The following MYH9 variants were observed in gnomAD, a reference collection of about 807,000 sequenced individuals.
The protein encoded by MYH9 is myosin heavy chain 9.
MYH9 carries 29 observed loss-of-function variants against 241.9 expected under a neutral mutation model. The ratio of observed to expected loss-of-function variants is 0.12; its 90% CI spans 0.09 to 0.16. The LOEUF is 0.16. MYH9 is among the 10% of genes least tolerant of loss of function. MYH9 has a pLI of 1.00. For synonymous variants in MYH9, 1,047 were observed against 1,062.6 expected (o/e 0.99, Z 0.29); for missense variants, 1,803 against 2,595.5 (o/e 0.69, Z 6.63).
At chr22:36,332,103 G>A (rs551261422) in intron 3 of MYH9, among the ~76,000 whole-genome samples, 24 of 152,156 alleles carry the variant, frequency 1.6e-4, no homozygotes, top group Non-Finnish European at 2.8e-4. Context: ...GAAACCTCAC[G>A]CACCCCAGGA....
intron 11 of MYH9, 61 bp from the exon 12 acceptor site, chr22:36,316,730 C>T (rs907181888): frequency 1.3e-6 from 2 of 1,599,328 alleles, no homozygotes; most frequent in African/African-American, 1.3e-5. Context: ...CCCTCATACC[C>T]TATGCCCCAG....
Position 36,289,580 on chromosome 22 carries a change from C to T in MYH9, c.4345-283G>A, listed in dbSNP as rs141639537. Among the ~76,000 whole-genome samples the T allele has an allele frequency of 1.1e-4, 17 of 152,350 alleles. No individual in the cohort carries two copies. The South Asian group carries it at 2.1e-3, about 19-fold the overall frequency. ...AATCGCAACCCTTTATGGCACGCTG[C>T]CCCTTCCATGAGAGCCCTCCAAACC... On this transcript the variant is annotated intron_variant, in intron 31 of 40. Transcript: ENST00000216181.
intron 27 of MYH9, 92 bp downstream of exon 27, chr22:36,294,840 C>T: frequency 6.4e-7 from 1 of 1,565,872 alleles, no homozygotes; most frequent in Non-Finnish European, 8.7e-7. Flanking sequence ...TTGGGTAGAA[C>T]CCTGCAACTG....
At chr22:36,324,853 A>AC (rs1320588370) in intron 5 of MYH9, among the ~76,000 whole-genome samples, 1 of 152,046 alleles carries the variant, frequency 6.6e-6, no homozygotes, top group Non-Finnish European at 1.5e-5. Context: ...TCCCACTGTC[A>AC]CCCCCAACCC....
At chr22:36,344,260 A>C (rs2146387555) in intron 2 of MYH9, among the ~76,000 whole-genome samples, 1 of 152,372 alleles carries the variant, frequency 6.6e-6, no homozygotes, top group African/African-American at 2.4e-5. Context: ...CTCCATTCAC[A>C]GGCCACAGAG....
chr22:36,297,830 G>A (rs1204401857), intron 24 of MYH9, among the ~76,000 whole-genome samples: 2 of 152,208 alleles, frequency 1.3e-5, no homozygotes, highest in Admixed American at 1.3e-4. Context: ...CAGGTCACCG[G>A]CATGCTAAGT....
intron 1 of MYH9, among the ~76,000 whole-genome samples, chr22:36,352,220 A>T (rs763149801): frequency 1.3e-5 from 2 of 152,172 alleles, no homozygotes; most frequent in African/African-American, 2.4e-5. Flanking sequence ...AGAGGAATGC[A>T]TTCCAGAGCG....
chr22:36,382,343 C>T (rs2018272010), intron 1 of MYH9, among the ~76,000 whole-genome samples: 1 of 150,622 alleles, frequency 6.6e-6, no homozygotes, highest in African/African-American at 2.4e-5. Flanking sequence ...GGCGTGGTGG[C>T]AGGCGCCTGT....
chr22:36,283,276 C>T (rs1001257086), intron 40 of MYH9, among the ~76,000 whole-genome samples: 9 of 152,134 alleles, frequency 5.9e-5, no homozygotes, highest in African/African-American at 1.2e-4. Context: ...GTGGCTCATC[C>T]TTGTAATCTC....
chr22:36,290,137 C>G (rs1193969449), intron 31 of MYH9, among the ~76,000 whole-genome samples: 1 of 152,040 alleles, frequency 6.6e-6, no homozygotes, highest in African/African-American at 2.4e-5. Context: ...GTTTAAAAGA[C>G]AGTCAAACCG....
intron 1 of MYH9, among the ~76,000 whole-genome samples, chr22:36,365,419 A>T (rs1202446442): frequency 1.3e-5 from 2 of 152,118 alleles, no homozygotes; most frequent in African/African-American, 4.8e-5. Flanking sequence ...GCGCCAGGGC[A>T]TCTCATCCTT....
In MYH9 at chr22:36,285,591, G is replaced by T; in HGVS notation, c.5274+67C>A. 6.2e-7 allele frequency: 1 copy of T among 1,604,816 alleles called. No individual in the cohort carries two copies. On this transcript the variant is annotated intron_variant, in intron 37 of 40. Transcript: ENST00000216181. The surrounding 1 kb of genome is among the most constrained non-coding windows in gnomAD (Gnocchi z 7.0). ...CTTGGCCTGTGCTTCTGCCGGCTGG[G>T]TCCAAGGCCAGCTCTGCCGTGGTGG...
At chr22:36,359,864 G>C (rs920435866) in intron 1 of MYH9, among the ~76,000 whole-genome samples, 1 of 152,162 alleles carries the variant, frequency 6.6e-6, no homozygotes, top group Non-Finnish European at 1.5e-5. Context: ...GCCATGTGAG[G>C]TCCTGGTTCT....
Position 36,320,847 on chromosome 22 carries a change from G to A in MYH9, c.819C>T (p.Thr273=). 6.2e-7 allele frequency: 1 copy of A among 1,614,130 alleles called. No homozygotes were observed. The highest frequency in any genetic ancestry group is 8.5e-7 in the Non-Finnish European group (1 of 1,179,992). The part of the protein sequence containing the change: ...RAIRQAKEER[T]FHIFYYLLSG... ...ACAGGAGATAATAGAAGATGTGGAA[G>A]GTCCGTTCTTCCTTGGCTTGGCGGA... The change falls in exon 8 of 41, where the codon ACC becomes ACT. Residue 273 remains threonine, a synonymous_variant. Coordinates refer to ENST00000216181, the MANE Select transcript of MYH9 (RefSeq NM_002473.6). The surrounding 1 kb of genome is among the most constrained non-coding windows in gnomAD (Gnocchi z 4.8).
intron 1 of MYH9, among the ~76,000 whole-genome samples, chr22:36,382,729 G>C (rs1028308418): frequency 6.6e-6 from 1 of 151,782 alleles, no homozygotes; most frequent in Non-Finnish European, 1.5e-5. Context: ...CTTGAACCCA[G>C]GAGGCAGAGG....
intron 24 of MYH9, 23 bp from the exon 25 acceptor site, chr22:36,297,037 A>G (rs1342357718): frequency 6.2e-7 from 1 of 1,612,856 alleles, no homozygotes; most frequent in Non-Finnish European, 8.5e-7. Flanking sequence ...GGGAGCCCAC[A>G]TAGCCCTCAG....
chr22:36,296,404 T>G (rs1339081817), intron 25 of MYH9, among the ~76,000 whole-genome samples: 1 of 152,090 alleles, frequency 6.6e-6, no homozygotes, highest in Non-Finnish European at 1.5e-5. Flanking sequence ...TGGCGAATTT[T>G]TTATATTTTT....
At position 36,296,931 on chromosome 22, in the gene MYH9, C is replaced by T. The variant is rs368438600; in HGVS notation, c.3184G>A (p.Asp1062Asn). 10 of 1,613,960 alleles carry T rather than the reference C, an allele frequency of 6.2e-6. No homozygotes were observed. Among genetic ancestry groups the T allele is most frequent in the Non-Finnish European group, 7.6e-6 (9 of 1,179,996 alleles). Reference protein sequence around the residue: ...KLEGDSTDLSDQIAELQAQIA... With the variant: ...KLEGDSTDLSNQIAELQAQIA... ...TGGGCCTGGAGCTCGGCGATCTGGT[C>T]GCTGAGGTCTGTGGAGTCTCCCTCC... The change falls in exon 25 of 41, where the codon GAC becomes AAC. Residue 1062 changes from aspartate (D) to asparagine (N), a missense_variant. Asp to Asn is a conservative substitution (Grantham distance 23). Coordinates refer to ENST00000216181, the MANE Select transcript of MYH9 (RefSeq NM_002473.6).
intron 13 of MYH9, 108 bp from the exon 14 acceptor site, chr22:36,312,330 T>G (rs2017077905): frequency 8.8e-7 from 1 of 1,138,924 alleles, no homozygotes; most frequent in Non-Finnish European, 1.3e-6. Context: ...CCACAGACGG[T>G]GGGCGACACA....
Sources: allele counts gnomAD v4.1 joint callset (sites outside exome capture counted in the v4.1 genomes callset), GRCh38; gene constraint gnomAD v4.1.1; non-coding constraint Gnocchi (gnomAD v3.1); transcripts MANE v1.5; gene names NCBI Gene and HGNC (gene_info 2026-07-23, HGNC 2026-07-21).